The following TFAP2D variants were observed in gnomAD, a reference collection of about 807,000 sequenced individuals.
The protein encoded by TFAP2D is transcription factor AP-2-delta.
TFAP2D carries 9 observed loss-of-function variants against 43.6 expected under a neutral mutation model. That is an observed-to-expected ratio of 0.21 (90% confidence interval 0.12 to 0.36). TFAP2D has a LOEUF of 0.36. Ranked by LOEUF, TFAP2D falls within the 10% of genes least tolerant of loss-of-function variation. The probability of loss-of-function intolerance (pLI) is 1.00; values close to 1 mark genes in which losing one functional copy is unlikely to be tolerated. For synonymous variants in TFAP2D, 256 were observed against 224.9 expected (o/e 1.14, Z -1.24); for missense variants, 513 against 561.4 (o/e 0.91, Z 0.87).
intron 7 of TFAP2D, among the ~76,000 whole-genome samples, chr6:50,757,416 C>CTATATAGAATA (rs71815138): frequency 8.5e-6 from 1 of 117,960 alleles, no homozygotes. Context: ...ATTATTCTCT[C>CTATATAGAATA]TATATAGAAT....
At chr6:50,742,437 A>C (rs1561936774) in intron 5 of TFAP2D, among the ~76,000 whole-genome samples, 1 of 152,112 alleles carries the variant, frequency 6.6e-6, no homozygotes, top group Non-Finnish European at 1.5e-5. Flanking sequence ...ATCAGGTTTT[A>C]GCACAAAATT....
At chr6:50,718,939 G>T in intron 2 of TFAP2D, 151 bp from the exon 3 acceptor site, 1 of 703,824 alleles carries the variant, frequency 1.4e-6, no homozygotes, top group Non-Finnish European at 2.3e-6. Flanking sequence ...AAAAAATTGT[G>T]TTTGCTGGCA....
chr6:50,757,979 T>C (rs1310827609), intron 7 of TFAP2D, among the ~76,000 whole-genome samples: 1 of 150,770 alleles, frequency 6.6e-6, no homozygotes, highest in East Asian at 1.9e-4. Flanking sequence ...TAAATATATG[T>C]AAATAAATGT....
rs1196274555 is a variant in TFAP2D, at chr6:50,772,827, C to T, written c.1322C>T (p.Ala441Val). 2 of 1,613,970 alleles carry T rather than the reference C, an allele frequency of 1.2e-6. No individual in the cohort carries two copies. Among genetic ancestry groups the T allele is most frequent in the South Asian group, 2.2e-5 (2 of 91,078 alleles). Residue 441 changes from alanine to valine, a missense_variant, in exon 8 of 8, where the codon GCT becomes GTT. Coordinates refer to ENST00000008391, the MANE Select transcript of TFAP2D (RefSeq NM_172238.4). The part of the protein sequence containing the change: ...EKAPLRKTSE[A>V]AVKEGKTEKT... ...GCTCCCCTGCGGAAAACTTCAGAGG[C>T]TGCCGTGAAAGAGGGCAAAACAGAA...
chr6:50,752,275 G>A (rs1277587745), intron 7 of TFAP2D, among the ~76,000 whole-genome samples: 1 of 151,880 alleles, frequency 6.6e-6, no homozygotes, highest in East Asian at 1.9e-4. Context: ...TTCATTTTCT[G>A]ATGTGTTTTT....
intron 7 of TFAP2D, among the ~76,000 whole-genome samples, chr6:50,761,489 A>G (rs1300112160): frequency 6.6e-6 from 1 of 152,010 alleles, no homozygotes; most frequent in Admixed American, 6.6e-5. Context: ...CAAATACTAA[A>G]GAGACTTTCA....
At chr6:50,737,171 G>C (rs1768976165) in intron 5 of TFAP2D, among the ~76,000 whole-genome samples, 2 of 151,998 alleles carry the variant, frequency 1.3e-5, no homozygotes, top group South Asian at 4.2e-4. Flanking sequence ...GGTGGAGATG[G>C]GGATCTCACT....
At chr6:50,767,293 T>C (rs1008742412) in intron 7 of TFAP2D, among the ~76,000 whole-genome samples, 1 of 152,218 alleles carries the variant, frequency 6.6e-6, no homozygotes, top group Non-Finnish European at 1.5e-5. Context: ...AGCTTTTCAC[T>C]ATTGAGTATG....
chr6:50,753,128 C>A (rs760364383), intron 7 of TFAP2D, among the ~76,000 whole-genome samples: 1 of 151,808 alleles, frequency 6.6e-6, no homozygotes, highest in Non-Finnish European at 1.5e-5. Context: ...TACAAAAGAT[C>A]AACTCAGAAC....
intron 7 of TFAP2D, among the ~76,000 whole-genome samples, chr6:50,766,648 T>G (rs745806109): frequency 9.0e-5 from 11 of 122,770 alleles, no homozygotes; most frequent in Non-Finnish European, 1.4e-4. Context: ...ACCATGAGAT[T>G]GCTTTCTTTT....
intron 7 of TFAP2D, among the ~76,000 whole-genome samples, chr6:50,766,910 C>A (rs1001556388): frequency 6.6e-6 from 1 of 152,026 alleles, no homozygotes; most frequent in South Asian, 2.1e-4. Context: ...CCTCATGATC[C>A]ACCCGCCTCG....
intron 3 of TFAP2D, among the ~76,000 whole-genome samples, chr6:50,722,825 G>A (rs1768749597): frequency 6.6e-6 from 1 of 152,078 alleles, no homozygotes. Flanking sequence ...GGGGGGGCGG[G>A]GGATGGGAGA....
Position 50,772,782 on chromosome 6 carries a change from G to A in TFAP2D, c.1277G>A (p.Gly426Glu), listed in dbSNP as rs760569382. Residue 426 changes from glycine (G) to glutamate (E), a missense_variant, in exon 8 of 8, where the codon GGA becomes GAA. By Grantham distance (98) the Gly-to-Glu change is moderately conservative. This residue lies in a region of TFAP2D where 199 missense variants were observed against 227.9 expected (regional missense o/e 0.87). Transcript: ENST00000008391. ...GGCGGAGCGGCGGATTCTGGCCAAG[G>A]ACATGCCAACTCGGAGAAAGCTCCC... Reference protein sequence around the residue: ...KNGGAADSGQGHANSEKAPLR... With the variant: ...KNGGAADSGQEHANSEKAPLR... The A allele has an allele frequency of 4.3e-6, 7 of 1,613,988 alleles. No homozygotes were observed. In the East Asian group the frequency reaches 1.6e-4, roughly 36 times the overall value.
At chr6:50,743,098 C>A (rs1393373540) in intron 5 of TFAP2D, among the ~76,000 whole-genome samples, 2 of 151,864 alleles carry the variant, frequency 1.3e-5, no homozygotes, top group Non-Finnish European at 2.9e-5. Context: ...AGATCCCTTC[C>A]ATTTAGTTAC....
chr6:50,722,000 A>G (rs1768734282), intron 3 of TFAP2D, among the ~76,000 whole-genome samples: 1 of 152,152 alleles, frequency 6.6e-6, no homozygotes. Flanking sequence ...GTTGTTCTTC[A>G]CATTTGGTGA....
chr6:50,723,777 A>C (rs1378363100), intron 3 of TFAP2D, among the ~76,000 whole-genome samples: 1 of 152,186 alleles, frequency 6.6e-6, no homozygotes, highest in Admixed American at 6.5e-5. Flanking sequence ...TTTGAAAATC[A>C]GCAGAAACCA....
chr6:50,755,386 A>G (rs1459643010), intron 7 of TFAP2D, among the ~76,000 whole-genome samples: 1 of 150,506 alleles, frequency 6.6e-6, no homozygotes, highest in African/African-American at 2.4e-5. Context: ...TTACAAGTAT[A>G]TTTCTTAAAC....
chr6:50,759,500 A>G (rs1453092802), intron 7 of TFAP2D, among the ~76,000 whole-genome samples: 1 of 151,992 alleles, frequency 6.6e-6, no homozygotes, highest in African/African-American at 2.4e-5. Flanking sequence ...TCTGCTTTTT[A>G]TGTTTTCTCA....
intron 2 of TFAP2D, among the ~76,000 whole-genome samples, chr6:50,718,861 T>C (rs967169117): frequency 6.6e-5 from 10 of 152,222 alleles, no homozygotes; most frequent in African/African-American, 2.4e-4. Flanking sequence ...TAATATTGTA[T>C]GGTGATGTAA....
Sources: gnomAD v4.1 joint callset for allele counts (sites outside exome capture counted in the v4.1 genomes callset) on GRCh38, gnomAD v4.1.1 for gene constraint, gnomAD v4.1.1 regional missense constraint, MANE v1.5 for transcripts, NCBI Gene and HGNC (gene_info 2026-07-23, HGNC 2026-07-21) for gene names.